COL5A1: variants seen among roughly 807,000 people sequenced by gnomAD.
COL5A1 encodes collagen alpha-1(V) chain.
Under a neutral mutation model 263.7 loss-of-function variants are expected in COL5A1, and 16 were observed. The observed-to-expected ratio is 0.06, with a 90% CI of 0.04 to 0.09. The LOEUF (loss-of-function observed/expected upper bound fraction) is 0.09. Ranked by LOEUF, COL5A1 falls within the 10% of genes least tolerant of loss-of-function variation. The probability of loss-of-function intolerance (pLI) is 1.00; values close to 1 mark genes in which losing one functional copy is unlikely to be tolerated. For missense variants in COL5A1, 2,036 were observed against 2,540.5 expected (o/e 0.80, Z 4.27); for synonymous variants, 1,012 against 1,004.5 (o/e 1.01, Z -0.14).
rs150925867 is a variant in COL5A1 at position 134,690,127 on chromosome 9, C to T, written c.110-785C>T. ...GCCAGAGGTCAGCTTATCCCCTTGC[C>T]CTTCCCTGAGAGCCCCTGGATAGAG... On this transcript the variant is annotated intron_variant, in intron 1 of 65. Coordinates refer to ENST00000371817, the MANE Select transcript of COL5A1 (RefSeq NM_000093.5). Among the ~76,000 whole-genome samples, 3 of 152,262 alleles carry T rather than the reference C, an allele frequency of 2.0e-5. No individual in the cohort carries two copies. In the East Asian group the frequency reaches 5.8e-4, roughly 29 times the overall value.
chr9:134,831,985 C>T (rs950963397), intron 64 of COL5A1, among the ~76,000 whole-genome samples: 2 of 152,174 alleles, frequency 1.3e-5, no homozygotes, highest in Non-Finnish European at 2.9e-5. Flanking sequence ...GATTTTTCAG[C>T]CAGGTGCAGG....
At chr9:134,835,330 C>G (rs377340869) in intron 65 of COL5A1, 126 bp downstream of exon 65, 2 of 815,910 alleles carry the variant, frequency 2.5e-6, no homozygotes, top group East Asian at 2.7e-5. Context: ...GGACCAGACT[C>G]TCGCCCCAGG....
rs889413114 is a variant in COL5A1 at position 134,655,823 on chromosome 9, C to T, written c.109+13527C>T. ...GTGCCCACCAGGCTGTCCTATGGCA[C>T]GTGGGCTTGTCAGAGCCTCTGGCAC... is the stretch of plus-strand genomic sequence containing the variant. On this transcript the variant is annotated intron_variant, in intron 1 of 65. Transcript: ENST00000371817. Among the ~76,000 whole-genome samples the T allele has an allele frequency of 3.9e-5, 6 of 152,286 alleles. 1 individual carries two copies. Among genetic ancestry groups the T allele is most frequent in the East Asian group, 1.9e-4 (1 of 5,180 alleles).
rs1259767637 is a variant in COL5A1 at position 134,821,796 on chromosome 9, G to T, written c.4555-301G>T. 6.6e-6 allele frequency among the ~76,000 whole-genome samples: 1 copy of T among 152,232 alleles called. No individual in the cohort carries two copies. The highest frequency in any genetic ancestry group is 1.5e-5 in the Non-Finnish European group (1 of 68,036). On this transcript the variant is annotated intron_variant, in intron 58 of 65. Transcript: ENST00000371817. This position sits in a 1 kb window ranked among gnomAD's most constrained non-coding sequence, Gnocchi z 4.2. ...GGTTTCTGTATTTCCAAATGAACGT[G>T]AAAAGAGGTGCTCAGCCTGAAGTCC...
At chr9:134,766,348 C>T (rs756683749) in intron 21 of COL5A1, 106 bp from the exon 22 acceptor site, 32 of 1,093,022 alleles carry the variant, frequency 2.9e-5, no homozygotes, top group African/African-American at 3.1e-5. Context: ...TCCTCTGATT[C>T]GTCGTGGGAT....
intron 1 of COL5A1, among the ~76,000 whole-genome samples, chr9:134,655,319 G>C (rs997806935): frequency 3.3e-5 from 5 of 151,946 alleles, no homozygotes; most frequent in Non-Finnish European, 7.4e-5. Context: ...CCACCCGAGG[G>C]AGGCGGAGGT....
chr9:134,718,579 A>T (rs1834349770), intron 4 of COL5A1, among the ~76,000 whole-genome samples: 1 of 152,190 alleles, frequency 6.6e-6, no homozygotes, highest in African/African-American at 2.4e-5. Context: ...CTGCCAGGCG[A>T]ATTGGGCAGG....
rs1314104471 is a variant in COL5A1, at chr9:134,780,025, C to CT, written c.2386-75dup. 5.8e-6 allele frequency: 9 copies of CT among 1,553,566 alleles called. No homozygotes were observed. In the Admixed American group the frequency reaches 6.7e-5, roughly 12 times the overall value. The stretch of plus-strand genomic sequence containing the variant: ...GTCAGCTTCAGCGAGCTCAGCCTGT[C>CT]TTGACACGCCTGCGACAGCTCTAGA... On this transcript the variant is annotated intron_variant, in intron 27 of 65. Transcript: ENST00000371817.
At chr9:134,810,648 C>T (rs1051556726) in intron 44 of COL5A1, among the ~76,000 whole-genome samples, 13 of 152,234 alleles carry the variant, frequency 8.5e-5, no homozygotes, top group African/African-American at 2.9e-4. Context: ...AGAGACAGCA[C>T]CATTGACCAA....
chr9:134,754,179 A>G lies in COL5A1; in HGVS notation c.1774-94A>G, dbSNP rs1835891750. 14 of 1,357,590 alleles carry G rather than the reference A, an allele frequency of 1.0e-5. No individual in the cohort carries two copies. Among genetic ancestry groups the G allele is most frequent in the Non-Finnish European group, 1.4e-5 (13 of 961,614 alleles). 84.1% of individuals were successfully genotyped at this position (1,357,590 alleles called of 1,614,324 possible). A position where few individuals can be genotyped will look rare whatever the true frequency, so the allele number is the denominator to read the frequency against. On this transcript the variant is annotated intron_variant, in intron 15 of 65. Transcript: ENST00000371817. This position sits in a 1 kb window ranked among gnomAD's most constrained non-coding sequence, Gnocchi z 4.3. ...ATGTTTGTGGCTTGGACAGCCAGGC[A>G]TGGGCAGGGTCGATGAGCACAGGGA...
rs938513373 is a variant in COL5A1 at position 134,741,816 on chromosome 9, T to C, written c.1494+3008T>C. Among the ~76,000 whole-genome samples, 1 of 152,098 alleles carries C rather than the reference T, an allele frequency of 6.6e-6. No individual in the cohort carries two copies. Among genetic ancestry groups the C allele is most frequent in the African/African-American group, 2.4e-5 (1 of 41,416 alleles). ...TTTTCCCTGGGGTCTGGAAGAGCCCTCTTCTCCCTGCCACTCCCAACCTCC... is the reference window on the plus strand; with the variant it reads ...TTTTCCCTGGGGTCTGGAAGAGCCCCCTTCTCCCTGCCACTCCCAACCTCC... On this transcript the variant is annotated intron_variant, in intron 11 of 65. Coordinates refer to ENST00000371817, the MANE Select transcript of COL5A1 (RefSeq NM_000093.5). The surrounding 1 kb of genome is among the most constrained non-coding windows in gnomAD (Gnocchi z 4.5).
At chr9:134,674,296 G>A (rs1395458065) in intron 1 of COL5A1, among the ~76,000 whole-genome samples, 1 of 152,158 alleles carries the variant, frequency 6.6e-6, no homozygotes, top group Non-Finnish European at 1.5e-5. Flanking sequence ...ACAAACAAGC[G>A]GGAATACTGC....
At chr9:134,698,374 C>A (rs1036723371) in intron 2 of COL5A1, among the ~76,000 whole-genome samples, 1 of 152,384 alleles carries the variant, frequency 6.6e-6, no homozygotes, top group Non-Finnish European at 1.5e-5. Flanking sequence ...GTGAGAGATT[C>A]GTGACTGCAG....
At position 134,842,353 on chromosome 9, in the gene COL5A1, C is replaced by T. The variant is rs1243754977; in HGVS notation, c.*50C>T. On this transcript the variant is annotated 3_prime_UTR_variant, in exon 66 of 66. Coordinates refer to ENST00000371817, the MANE Select transcript of COL5A1 (RefSeq NM_000093.5). The surrounding 1 kb of genome is among the most constrained non-coding windows in gnomAD (Gnocchi z 5.8). ...GAGCAACCTCGTGACCTCAGCATGC[C>T]ATTCGTTCGTGAGTGTCCCGTGCAC... 2.5e-6 allele frequency: 4 copies of T among 1,608,258 alleles called. No homozygotes were observed. The highest frequency in any genetic ancestry group is 3.4e-6 in the Non-Finnish European group (4 of 1,177,312).
At chr9:134,729,957 A>G (rs1470771872) in intron 6 of COL5A1, among the ~76,000 whole-genome samples, 3 of 151,750 alleles carry the variant, frequency 2.0e-5, no homozygotes, top group Non-Finnish European at 4.4e-5. Context: ...GATATGATTC[A>G]CCCTTTTCTG....
chr9:134,684,224 T>A (rs761578083), intron 1 of COL5A1, among the ~76,000 whole-genome samples: 6 of 152,212 alleles, frequency 3.9e-5, no homozygotes, highest in Non-Finnish European at 8.8e-5. Context: ...CGGGCACCAG[T>A]GGACGACCAG....
rs758009092 is a variant in COL5A1 at position 134,690,990 on chromosome 9, C to T, written c.188C>T (p.Ala63Val). ...DGITKTTGFC[A>V]TRRSSKGPDV... ...ATAACAAAGACAACAGGCTTTTGCG[C>T]CACGCGGCGATCTTCCAAAGGCCCG... is the stretch of plus-strand genomic sequence containing the variant. The change falls in exon 2 of 66, where the codon GCC (alanine) becomes GTC (valine). Residue 63 changes from alanine (A) to valine (V), a missense_variant. Transcript: ENST00000371817. The T allele has an allele frequency of 1.2e-6, 2 of 1,613,844 alleles. No individual in the cohort carries two copies. The highest frequency in any genetic ancestry group is 4.5e-5 in the East Asian group (2 of 44,882).
At chr9:134,729,850 G>A (rs1834812321) in intron 6 of COL5A1, among the ~76,000 whole-genome samples, 1 of 152,280 alleles carries the variant, frequency 6.6e-6, no homozygotes, top group East Asian at 1.9e-4. Flanking sequence ...CTGTGTGTGT[G>A]AGCGTGTGTG....
chr9:134,731,788 C>A, intron 8 of COL5A1, 125 bp downstream of exon 8: 2 of 1,106,440 alleles, frequency 1.8e-6, no homozygotes, highest in Non-Finnish European at 2.6e-6. Flanking sequence ...ACACCCTATT[C>A]CCAAAACTTT....
Sources: gnomAD v4.1 joint callset for allele counts (sites outside exome capture counted in the v4.1 genomes callset) on GRCh38, gnomAD v4.1.1 for gene constraint, Gnocchi (gnomAD v3.1) non-coding constraint, MANE v1.5 for transcripts, NCBI Gene and HGNC (gene_info 2026-07-23, HGNC 2026-07-21) for gene names.